APAF1: variants seen among roughly 807,000 people sequenced by gnomAD.
APAF1 encodes the protein apoptotic peptidase activating factor 1.
Under a neutral mutation model 152.4 loss-of-function variants are expected in APAF1, and 91 were observed. That is an observed-to-expected ratio of 0.60 (90% confidence interval 0.50 to 0.71). APAF1 has a LOEUF of 0.71. Among genes scored for constraint, APAF1 ranks in the 30% least tolerant of loss-of-function variants. APAF1 has a pLI of 0.00. For synonymous variants in APAF1, 484 were observed against 494.1 expected (o/e 0.98, Z 0.27); for missense variants, 1,283 against 1,472.0 (o/e 0.87, Z 2.10).
At chr12:98,719,623 A>C (rs1160026084) in intron 22 of APAF1, among the ~76,000 whole-genome samples, 1 of 151,518 alleles carries the variant, frequency 6.6e-6, no homozygotes, top group Admixed American at 6.6e-5. Context: ...AAGTGCTGGG[A>C]TTACAAGCGT....
At chr12:98,649,462 A>G (rs1343979739) in intron 3 of APAF1, 25 bp from the exon 4 acceptor site, 2 of 1,610,002 alleles carry the variant, frequency 1.2e-6, no homozygotes, top group East Asian at 2.2e-5. Context: ...CTATTCATTC[A>G]TGCTTGTTTT....
intron 4 of APAF1, among the ~76,000 whole-genome samples, chr12:98,653,264 A>G (rs1188842472): frequency 6.6e-6 from 1 of 152,150 alleles, no homozygotes; most frequent in Non-Finnish European, 1.5e-5. Context: ...TTCTTTTAAA[A>G]GTACAGATAA....
At chr12:98,655,851 T>G (rs2153310559) in intron 4 of APAF1, among the ~76,000 whole-genome samples, 1 of 151,824 alleles carries the variant, frequency 6.6e-6, no homozygotes, top group East Asian at 2.0e-4. Flanking sequence ...TGGCGCGGTC[T>G]CGGCTCACTG....
At chr12:98,652,784 G>T (rs2097650543) in intron 4 of APAF1, among the ~76,000 whole-genome samples, 1 of 151,942 alleles carries the variant, frequency 6.6e-6, no homozygotes, top group South Asian at 2.1e-4. Context: ...CCACCACCAC[G>T]CCTGGCTAAT....
At chr12:98,681,958 G>A (rs753069459) in intron 14 of APAF1, among the ~76,000 whole-genome samples, 1 of 151,706 alleles carries the variant, frequency 6.6e-6, no homozygotes, top group African/African-American at 2.4e-5. Context: ...CCCAGTGAAG[G>A]TTCATTAGGT....
Position 98,671,714 on chromosome 12 carries a change from A to G in APAF1, c.1788A>G (p.Glu596=), listed in dbSNP as rs747538511. 1.9e-6 allele frequency: 3 copies of G among 1,613,958 alleles called. No individual in the cohort carries two copies. Among genetic ancestry groups the G allele is most frequent in the African/African-American group, 1.3e-5 (1 of 74,918 alleles). ...TCGATAATGGAATGCTTTACCTGGAATGGATGTAAGTAGGTTAGGAGAGAA... is the reference window on the plus strand; with the variant it reads ...TCGATAATGGAATGCTTTACCTGGAGTGGATGTAAGTAGGTTAGGAGAGAA... ...QEVDNGMLYL[E]WINKKNITNL... Residue 596 remains glutamate (E), a synonymous_variant, in exon 12 of 27, where the codon GAA becomes GAG. Coordinates refer to ENST00000551964, the MANE Select transcript of APAF1 (RefSeq NM_181861.2).
intron 13 of APAF1, among the ~76,000 whole-genome samples, chr12:98,678,546 A>G (rs2097688930): frequency 6.6e-6 from 1 of 152,290 alleles, no homozygotes; most frequent in South Asian, 2.1e-4. Flanking sequence ...CCCAAACCAC[A>G]GCTGCAGGCT....
chr12:98,719,329 G>A (rs191000434), intron 22 of APAF1, among the ~76,000 whole-genome samples: 2 of 152,072 alleles, frequency 1.3e-5, no homozygotes, highest in Admixed American at 1.3e-4. Flanking sequence ...TCATAATGCC[G>A]ATTTTGTTGC....
At chr12:98,658,047 T>G (rs1278995241) in intron 4 of APAF1, among the ~76,000 whole-genome samples, 2 of 152,180 alleles carry the variant, frequency 1.3e-5, no homozygotes, top group African/African-American at 4.8e-5. Context: ...TTGGTGTAAT[T>G]TAATTCATTT....
intron 20 of APAF1, among the ~76,000 whole-genome samples, chr12:98,709,284 A>T (rs2097725193): frequency 6.6e-6 from 1 of 152,198 alleles, no homozygotes; most frequent in Non-Finnish European, 1.5e-5. Flanking sequence ...TTGCTTAGGG[A>T]TCCAAACAGC....
intron 11 of APAF1, among the ~76,000 whole-genome samples, 181 bp from the exon 12 acceptor site, chr12:98,671,354 C>T (rs1389086210): frequency 1.3e-5 from 2 of 151,772 alleles, no homozygotes; most frequent in African/African-American, 2.4e-5. Context: ...GAGATTTTTA[C>T]CCTATGTTTA....
At chr12:98,657,715 G>A (rs1315872800) in intron 4 of APAF1, among the ~76,000 whole-genome samples, 1 of 152,206 alleles carries the variant, frequency 6.6e-6, no homozygotes, top group Non-Finnish European at 1.5e-5. Context: ...ATGCAGAATA[G>A]TGTAGAAGTT....
intron 21 of APAF1, 180 bp downstream of exon 21, chr12:98,712,615 C>A: frequency 1.7e-6 from 1 of 576,832 alleles, no homozygotes. Context: ...CTTCTGAGCT[C>A]AAGTGATTTT....
rs1211021082 is a variant in APAF1 at position 98,706,507 on chromosome 12, C to G, written c.2618C>G (p.Ser873Ter). 6 of 1,613,958 alleles carry G rather than the reference C, an allele frequency of 3.7e-6. No homozygotes were observed. The highest frequency in any genetic ancestry group is 5.1e-6 in the Non-Finnish European group (6 of 1,179,912). The change falls in exon 19 of 27, where the codon TCA becomes TGA. Residue 873 changes from serine (S) to a stop codon, truncating the protein, a stop_gained. Transcript: ENST00000551964. LOFTEE classifies it high-confidence loss of function. ...TAGTTGTGGAATACAGACTCACGTT[C>G]AAAGGTGGCTGATTGCAGAGGACAT... ...CVELWNTDSR[S>*]KVADCRGHLS...
chr12:98,667,473 A>C, intron 9 of APAF1, 40 bp from the exon 10 acceptor site: 1 of 1,608,576 alleles, frequency 6.2e-7, no homozygotes. Flanking sequence ...TTAGGTTATA[A>C]AATTGTTTCT....
rs2097733666 is a variant in APAF1, at chr12:98,715,420, T to C, written c.2959-7T>C. On this transcript the variant is annotated splice_polypyrimidine_tract_variant and splice_region_variant and intron_variant, in intron 21 of 26. Coordinates refer to ENST00000551964, the MANE Select transcript of APAF1 (RefSeq NM_181861.2). ...TTCTTAATTTTCTGTGTTTTTCTGCTTTGAAGATTTTAGAACTTGTAAACA... is the reference window on the plus strand; with the variant it reads ...TTCTTAATTTTCTGTGTTTTTCTGCCTTGAAGATTTTAGAACTTGTAAACA... 4 of 1,613,098 alleles carry C rather than the reference T, an allele frequency of 2.5e-6. No individual in the cohort carries two copies. Among genetic ancestry groups the C allele is most frequent in the African/African-American group, 2.7e-5 (2 of 74,786 alleles).
intron 16 of APAF1, among the ~76,000 whole-genome samples, chr12:98,693,581 T>C (rs1396555572): frequency 6.6e-6 from 1 of 152,198 alleles, no homozygotes; most frequent in Non-Finnish European, 1.5e-5. Flanking sequence ...AAACTCTCTC[T>C]TGTTAATTTG....
At chr12:98,678,106 CT>C (rs1357260860) in intron 13 of APAF1, among the ~76,000 whole-genome samples, 1 of 152,118 alleles carries the variant, frequency 6.6e-6, no homozygotes, top group Non-Finnish European at 1.5e-5. Context: ...ATTTAGGATA[CT>C]TTTAGTCTTT....
At chr12:98,703,980 T>TA (rs1412211923) in intron 18 of APAF1, among the ~76,000 whole-genome samples, 1 of 152,212 alleles carries the variant, frequency 6.6e-6, no homozygotes, top group African/African-American at 2.4e-5. Context: ...ATAAATTACT[T>TA]TTTTATGATT....
Sources: allele counts gnomAD v4.1 joint callset (sites outside exome capture counted in the v4.1 genomes callset), GRCh38; gene constraint gnomAD v4.1.1; transcripts MANE v1.5; gene names NCBI Gene and HGNC (gene_info 2026-07-23, HGNC 2026-07-21).